Variants in FAM228B observed in about 807,000 individuals in gnomAD.
The protein encoded by FAM228B is protein FAM228B.
Under a neutral mutation model 42.6 loss-of-function variants are expected in FAM228B, and 38 were observed. The observed-to-expected ratio is 0.89, with a 90% CI of 0.69 to 1.17. The LOEUF (loss-of-function observed/expected upper bound fraction) is 1.17. Among genes scored for constraint, FAM228B ranks in the 50% most tolerant of loss-of-function variants. The pLI is 0.00. For missense variants in FAM228B, 344 were observed against 367.3 expected, an observed-to-expected ratio of 0.94 and a Z score of 0.52; for synonymous variants, 109 against 122.3, an observed-to-expected ratio of 0.89 and a Z score of 0.72.
intron 9 of FAM228B, chr2:24,165,947 C>A: frequency 6.6e-6 from 1 of 152,550 alleles, no homozygotes; most frequent in Non-Finnish European, 1.5e-5. Flanking sequence ...GAGGCTGAGG[C>A]AGGAGAATCG....
At chr2:24,158,572 G>A (rs111453995) in intron 7 of FAM228B, among the ~76,000 whole-genome samples, 1 of 152,250 alleles carries the variant, frequency 6.6e-6, no homozygotes, top group African/African-American at 2.4e-5. Flanking sequence ...TTAATCTGAT[G>A]TGTGAGGTAT....
At chr2:24,119,707 T>A, upstream of FAM228B, 1 of 1,568,454 alleles carries the variant, frequency 6.4e-7, no homozygotes, top group Non-Finnish European at 8.7e-7. Context: ...TAAGAGAATA[T>A]TCTGCTCTTG....
chr2:24,099,355 T>C (rs964582190), intron 3 of FAM228B, among the ~76,000 whole-genome samples: 3 of 152,200 alleles, frequency 2.0e-5, no homozygotes, highest in African/African-American at 7.2e-5. Flanking sequence ...GATGACATGA[T>C]TGTATATTTA....
rs779152496 is a variant in FAM228B, at chr2:24,135,106, T to G, written c.100-13T>G. On this transcript the variant is annotated splice_polypyrimidine_tract_variant and intron_variant, in intron 2 of 10. Coordinates refer to ENST00000615575, the MANE Select transcript of FAM228B (RefSeq NM_001145710.2). ...AAAGATTTTCTTTTCAAAGTTTAAT[T>G]CTGTCCTTTCAGGTTTTAGCTAAAG... 1 of 1,455,476 alleles carries G rather than the reference T, an allele frequency of 6.9e-7. No homozygotes were observed. Among genetic ancestry groups the G allele is most frequent in the South Asian group, 1.3e-5 (1 of 76,236 alleles). 90.2% of individuals were successfully genotyped at this position (1,455,476 alleles called of 1,614,324 possible). A position where few individuals can be genotyped will look rare whatever the true frequency, so the allele number is the denominator to read the frequency against.
chr2:24,085,367 C>G (rs1665211090), intron 2 of FAM228B, among the ~76,000 whole-genome samples: 1 of 152,140 alleles, frequency 6.6e-6, no homozygotes, highest in Non-Finnish European at 1.5e-5. Flanking sequence ...GAAGGTTTCT[C>G]AATCTCGGCG....
chr2:24,163,484 T>A (rs1667329653), intron 8 of FAM228B, among the ~76,000 whole-genome samples: 1 of 152,208 alleles, frequency 6.6e-6, no homozygotes, highest in Admixed American at 6.5e-5. Flanking sequence ...CTAAGCCCTA[T>A]TCCCTTGGTA....
intron 2 of FAM228B, among the ~76,000 whole-genome samples, chr2:24,131,038 A>G (rs974901925): frequency 9.8e-5 from 15 of 152,288 alleles, no homozygotes; most frequent in African/African-American, 3.6e-4. Flanking sequence ...AGCACCATTT[A>G]TTAAATAGGG....
At chr2:24,116,382 G>A (rs1431877459) in intron 3 of FAM228B, among the ~76,000 whole-genome samples, 1 of 152,036 alleles carries the variant, frequency 6.6e-6, no homozygotes, top group African/African-American at 2.4e-5. Flanking sequence ...TTTAAAGATG[G>A]GGTCTCACTA....
chr2:24,147,023 C>T lies in FAM228B; in HGVS notation c.623C>T (p.Thr208Ile). The change falls in exon 7 of 11, where the codon ACT (threonine) becomes ATT (isoleucine). Residue 208 changes from threonine (T) to isoleucine (I), a missense_variant. Thr to Ile is a moderately conservative substitution (Grantham distance 89). Coordinates refer to ENST00000615575, the MANE Select transcript of FAM228B (RefSeq NM_001145710.2). Reference sequence around the variant, plus strand: ...ATTTCTAATTCAAGGCACTTTATAACTCCAAACGAGTGGCTGAAACTGCCT... The same window carrying T: ...ATTTCTAATTCAAGGCACTTTATAATTCCAAACGAGTGGCTGAAACTGCCT... ...PQISNSRHFI[T>I]PNEWLKLPTR... The T allele has an allele frequency of 1.3e-6, 2 of 1,551,376 alleles. No individual in the cohort carries two copies. Among genetic ancestry groups the T allele is most frequent in the Non-Finnish European group, 1.7e-6 (2 of 1,146,822 alleles).
In FAM228B at chr2:24,135,138, C is replaced by A; in HGVS notation, c.119C>A (p.Thr40Asn). The A allele has an allele frequency of 1.3e-6, 2 of 1,511,826 alleles. No homozygotes were observed. Among genetic ancestry groups the A allele is most frequent in the Non-Finnish European group, 1.8e-6 (2 of 1,119,488 alleles). The allele number at this position is 1,511,826 out of a possible 1,614,324, so 93.7% of individuals were successfully genotyped here. ...CFMEVLAKED[T>N]EAAIQSILYK... ...TTTCAGGTTTTAGCTAAAGAAGATA[C>A]TGAGGCAGCTATTCAATCAATATTA... The change falls in exon 3 of 11, where the codon ACT (threonine) becomes AAT (asparagine). Residue 40 changes from threonine (T) to asparagine (N), a missense_variant. Thr to Asn is a moderately conservative substitution (Grantham distance 65). Transcript: ENST00000615575.
At chr2:24,110,463 TG>T (rs1186308651) in intron 3 of FAM228B, among the ~76,000 whole-genome samples, 1 of 151,892 alleles carries the variant, frequency 6.6e-6, no homozygotes, top group African/African-American at 2.4e-5. Context: ...GAAAAGTGAG[TG>T]GGGATTGAGT....
intron 2 of FAM228B, among the ~76,000 whole-genome samples, chr2:24,094,528 A>C (rs1665458000): frequency 1.3e-5 from 2 of 152,138 alleles, no homozygotes; most frequent in Non-Finnish European, 2.9e-5. Context: ...TCTGTTGCTG[A>C]GGCCGGAGTA....
chr2:24,169,316 C>CA lies in FAM228B; in HGVS notation c.*15-39dup. On this transcript the variant is annotated intron_variant, in intron 10 of 10. Transcript: ENST00000615575. The surrounding 1 kb of genome is among the most constrained non-coding windows in gnomAD (Gnocchi z 4.2). ...TCTGCTCTCGTAAGCCCCTCATCCC[C>CA]ATACCACACTCAACTCTTCCCTTTT... is the stretch of plus-strand genomic sequence containing the variant. 1 of 461,620 alleles carries CA rather than the reference C, an allele frequency of 2.2e-6. No homozygotes were observed. Among genetic ancestry groups the CA allele is most frequent in the South Asian group, 1.6e-5 (1 of 63,814 alleles). 28.6% of individuals were successfully genotyped at this position (461,620 alleles called of 1,614,324 possible). A position where few individuals can be genotyped will look rare whatever the true frequency, so the allele number is the denominator to read the frequency against.
intron 3 of FAM228B, chr2:24,115,588 T>C (rs780284340): frequency 2.5e-6 from 4 of 1,612,522 alleles, no homozygotes; most frequent in Non-Finnish European, 3.4e-6. Flanking sequence ...ATGACTTAAC[T>C]TCCTTTTTTT....
chr2:24,089,259 AC>A (rs1384347688), intron 2 of FAM228B, among the ~76,000 whole-genome samples: 1 of 152,134 alleles, frequency 6.6e-6, no homozygotes, highest in African/African-American at 2.4e-5. Flanking sequence ...AAAACCAGTA[AC>A]ATGAATGAAA....
rs777354825 is a variant in FAM228B at position 24,146,821 on chromosome 2, T to C, written c.515T>C (p.Leu172Pro). ...AAGGATAACGAAAAAAGAACTCTTC[T>C]TCAGTGTGAGACTGGTACTTAGTTC... ...YDKDNEKRTLLQCETGKIYSI... is the reference protein window; with the variant it reads ...YDKDNEKRTLPQCETGKIYSI... The change falls in exon 6 of 11, where the codon CTT becomes CCT. Residue 172 changes from leucine to proline, a missense_variant. Physicochemically the swap from Leu to Pro is moderately conservative, Grantham distance 98. Coordinates refer to ENST00000615575, the MANE Select transcript of FAM228B (RefSeq NM_001145710.2). 1 of 1,548,374 alleles carries C rather than the reference T, an allele frequency of 6.5e-7. No homozygotes were observed. Among genetic ancestry groups the C allele is most frequent in the South Asian group, 1.2e-5 (1 of 83,908 alleles).
At chr2:24,146,669 T>G in intron 5 of FAM228B, 79 bp from the exon 6 acceptor site, 1 of 917,286 alleles carries the variant, frequency 1.1e-6, no homozygotes, top group South Asian at 1.7e-5. Context: ...GCCATCCATA[T>G]GTGGATGCTT....
At chr2:24,120,195 G>A (rs1458866895), upstream of FAM228B, among the ~76,000 whole-genome samples, 2 of 152,126 alleles carry the variant, frequency 1.3e-5, no homozygotes, top group African/African-American at 4.8e-5. Flanking sequence ...CTTGAACCCA[G>A]GAGGTGGAGG....
At chr2:24,125,784 A>C (rs999956434) in intron 2 of FAM228B, among the ~76,000 whole-genome samples, 6 of 152,102 alleles carry the variant, frequency 3.9e-5, no homozygotes, top group African/African-American at 7.2e-5. Flanking sequence ...GCTGGTCTCA[A>C]ACTCCTGACC....
Sources: gnomAD v4.1 joint callset for allele counts (sites outside exome capture counted in the v4.1 genomes callset) on GRCh38, gnomAD v4.1.1 for gene constraint, Gnocchi (gnomAD v3.1) non-coding constraint, MANE v1.5 for transcripts, NCBI Gene and HGNC (gene_info 2026-07-23, HGNC 2026-07-21) for gene names.